The following UGT1A10 variants were observed in gnomAD, a reference collection of about 807,000 sequenced individuals.
The protein encoded by UGT1A10 is UDP-glucuronosyltransferase 1A10.
In UGT1A10, 49 loss-of-function variants were observed where a neutral mutation model predicts 45.8. That is an observed-to-expected ratio of 1.07 (90% CI 0.85 to 1.36). The LOEUF is 1.36. Ranked by LOEUF, UGT1A10 falls within the 40% of genes most tolerant of loss-of-function variation. The pLI is 0.00. For missense variants in UGT1A10, 745 were observed against 668.6 expected (o/e 1.11, Z -1.26); for synonymous variants, 284 against 249.7 (o/e 1.14, Z -1.29).
At chr2:233,719,480 G>C in intron 1 of UGT1A10, 2 of 1,613,982 alleles carry the variant, frequency 1.2e-6, no homozygotes, top group South Asian at 1.1e-5. Context: ...CTCTGGCCCT[G>C]TCCTACATTT....
intron 1 of UGT1A10, among the ~76,000 whole-genome samples, chr2:233,703,357 C>G (rs1254530363): frequency 2.0e-5 from 3 of 151,876 alleles, no homozygotes; most frequent in South Asian, 4.1e-4. Context: ...GTTAATCTAA[C>G]TTTAGGTTTA....
intron 1 of UGT1A10, chr2:233,671,818 A>G (rs1486530864): frequency 4.2e-6 from 6 of 1,418,444 alleles, no homozygotes; most frequent in Non-Finnish European, 3.7e-6. Flanking sequence ...TTTTTTTTTT[A>G]TGAAAGGATA....
At chr2:233,649,428 G>A (rs1165027091) in intron 1 of UGT1A10, among the ~76,000 whole-genome samples, 1 of 152,092 alleles carries the variant, frequency 6.6e-6, no homozygotes, top group African/African-American at 2.4e-5. Flanking sequence ...TAACTAACCT[G>A]TACTACCTGC....
chr2:233,695,229 G>A (rs1218832857), intron 1 of UGT1A10, among the ~76,000 whole-genome samples: 1 of 151,334 alleles, frequency 6.6e-6, no homozygotes. Context: ...GGGTTCAAGC[G>A]ATTCTCCTGC....
At chr2:233,656,576 C>A (rs1483650621) in intron 1 of UGT1A10, among the ~76,000 whole-genome samples, 4 of 152,154 alleles carry the variant, frequency 2.6e-5, no homozygotes, top group Non-Finnish European at 5.9e-5. Context: ...TCAACTCTTG[C>A]CTGGCGTGGT....
chr2:233,662,817 G>GT (rs34052709), intron 1 of UGT1A10, among the ~76,000 whole-genome samples: 19,707 of 139,242 alleles, frequency 0.14, 1,484 homozygotes, highest in Non-Finnish European at 0.19. Context: ...TTTGCTGAGA[G>GT]TTTTTTTTTT....
chr2:233,718,773 C>T (rs374057137), intron 1 of UGT1A10: 12 of 1,612,730 alleles, frequency 7.4e-6, no homozygotes, highest in Non-Finnish European at 8.5e-6. Context: ...ACAAATGTAG[C>T]AGGCACAGCG....
chr2:233,731,217 A>G (rs1429069865), intron 1 of UGT1A10, among the ~76,000 whole-genome samples: 2 of 151,714 alleles, frequency 1.3e-5, no homozygotes, highest in Non-Finnish European at 2.9e-5. Flanking sequence ...GTTTATTTAG[A>G]TTTGTAAAAA....
intron 1 of UGT1A10, among the ~76,000 whole-genome samples, chr2:233,669,219 G>A (rs2074133863): frequency 6.6e-6 from 1 of 151,838 alleles, no homozygotes; most frequent in Admixed American, 6.6e-5. Context: ...CTATAGATTT[G>A]TAATAAGTCT....
At chr2:233,682,471 A>G (rs201980156) in intron 1 of UGT1A10, 1 of 1,613,916 alleles carries the variant, frequency 6.2e-7, no homozygotes, top group East Asian at 2.2e-5. Flanking sequence ...ACTATCTTGA[A>G]GAAGGTGCAC....
chr2:233,671,924 G>C, intron 1 of UGT1A10: 3 of 1,597,406 alleles, frequency 1.9e-6, no homozygotes, highest in Non-Finnish European at 2.6e-6. Context: ...GCTCTCAGCT[G>C]CAGTTCTCTG....
chr2:233,636,984 C>T lies in UGT1A10; in HGVS notation c.462C>T (p.Gly154=), dbSNP rs1406715357. Residue 154 remains glycine (G), a synonymous_variant, in exon 1 of 5, where the codon GGC becomes GGT. Transcript: ENST00000344644. The stretch of plus-strand genomic sequence containing the variant: ...TTCTGGATCCTTTTGATACCTGTGG[C>T]TTAATTGTTGCTAAATATTTCTCCC... ...AVFLDPFDTC[G]LIVAKYFSLP... is the part of the protein sequence containing the mutation. 1 of 1,614,042 alleles carries T rather than the reference C, an allele frequency of 6.2e-7. No individual in the cohort carries two copies. The highest frequency in any genetic ancestry group is 1.1e-5 in the South Asian group (1 of 91,076).
rs564518266 is a variant in UGT1A10 at position 233,725,998 on chromosome 2, T to G, written c.856-41036T>G. Among the ~76,000 whole-genome samples the G allele has an allele frequency of 3.4e-4, 52 of 152,142 alleles. No individual in the cohort carries two copies. The Middle Eastern group carries it at 0.014, about 40-fold the overall frequency. ...CTGGGAAACGTGCTGAGACTGCATC[T>G]CTACAAAAAATCAAAAAATTATCCA... On this transcript the variant is annotated intron_variant, in intron 1 of 4. Coordinates refer to ENST00000344644, the MANE Select transcript of UGT1A10 (RefSeq NM_019075.4).
intron 1 of UGT1A10, among the ~76,000 whole-genome samples, chr2:233,660,228 G>A (rs2073937159): frequency 6.6e-6 from 1 of 152,156 alleles, no homozygotes; most frequent in African/African-American, 2.4e-5. Context: ...AGATTTTCAT[G>A]ATGTTCGCCC....
rs193018729 is a variant in UGT1A10, at chr2:233,679,941, T to A, written c.855+42564T>A. Reference sequence around the variant, plus strand: ...GACAAAAATGTATTTCACAAAAAGATGCGAGGTTTGGCTCCTGCTGGCATA... The same window carrying A: ...GACAAAAATGTATTTCACAAAAAGAAGCGAGGTTTGGCTCCTGCTGGCATA... On this transcript the variant is annotated intron_variant, in intron 1 of 4. Coordinates refer to ENST00000344644, the MANE Select transcript of UGT1A10 (RefSeq NM_019075.4). Among the ~76,000 whole-genome samples the A allele has an allele frequency of 8.6e-3, 1,308 of 152,262 alleles. 7 individuals are homozygous for A. The highest frequency in any genetic ancestry group is 0.013 in the Non-Finnish European group (864 of 67,994).
intron 1 of UGT1A10, among the ~76,000 whole-genome samples, chr2:233,683,876 C>A (rs1233515358): frequency 6.6e-6 from 1 of 152,100 alleles, no homozygotes; most frequent in East Asian, 1.9e-4. Flanking sequence ...ATTATTCCCT[C>A]CCCTGGTATT....
chr2:233,662,291 A>G (rs1047861463), intron 1 of UGT1A10, among the ~76,000 whole-genome samples: 4 of 152,152 alleles, frequency 2.6e-5, no homozygotes, highest in African/African-American at 9.7e-5. Flanking sequence ...TTCCTGACAT[A>G]CTCAAGTTTT....
chr2:233,690,371 T>G (rs760967096), intron 1 of UGT1A10: 16 of 873,752 alleles, frequency 1.8e-5, no homozygotes, highest in Non-Finnish European at 2.5e-5. Context: ...AACCTCTCCA[T>G]AGGGTCCACG....
In UGT1A10 at chr2:233,678,757, T is replaced by C. The variant is rs547451143; in HGVS notation, c.855+41380T>C. Among the ~76,000 whole-genome samples the C allele has an allele frequency of 1.2e-4, 12 of 102,278 alleles. 1 individual carries two copies. In the South Asian group the frequency reaches 3.8e-3, roughly 33 times the overall value. The allele number at this position is 102,278 out of a possible 152,430, so 67.1% of individuals were successfully genotyped here. A position where few individuals can be genotyped will look rare whatever the true frequency, so the allele number is the denominator to read the frequency against. On this transcript the variant is annotated intron_variant, in intron 1 of 4. Coordinates refer to ENST00000344644, the MANE Select transcript of UGT1A10 (RefSeq NM_019075.4). The stretch of plus-strand genomic sequence containing the variant: ...ACTGATTGGAAAGCACTCATCTCTA[T>C]CAGGTCATCTATTGATTCCCTGAGT...
Sources: allele counts gnomAD v4.1 joint callset (sites outside exome capture counted in the v4.1 genomes callset), GRCh38; gene constraint gnomAD v4.1.1; transcripts MANE v1.5; gene names NCBI Gene and HGNC (gene_info 2026-07-23, HGNC 2026-07-21).